The following RNLS variants were observed in gnomAD, a reference collection of about 807,000 sequenced individuals.
The protein encoded by RNLS is renalase.
In RNLS, 39 loss-of-function variants were observed where a neutral mutation model predicts 39.8. The observed-to-expected ratio is 0.98, with a 90% confidence interval of 0.76 to 1.28. The LOEUF is 1.28. RNLS is among the 50% of genes most tolerant of loss of function. The pLI is 0.00. For synonymous variants in RNLS, 147 were observed against 150.7 expected, an observed-to-expected ratio of 0.98 and a Z score of 0.18; for missense variants, 410 against 413.3, an observed-to-expected ratio of 0.99 and a Z score of 0.07.
intron 4 of RNLS, among the ~76,000 whole-genome samples, chr10:88,516,193 G>A (rs1212170680): frequency 1.3e-5 from 2 of 151,940 alleles, no homozygotes; most frequent in Admixed American, 1.3e-4. Flanking sequence ...TGTTATGGCA[G>A]CCCTAGCAAA....
At chr10:88,280,726 G>T (rs1842981204), downstream of RNLS, among the ~76,000 whole-genome samples, 1 of 152,158 alleles carries the variant, frequency 6.6e-6, no homozygotes, top group Admixed American at 6.6e-5. Context: ...ACAAGCAGCT[G>T]GTCAGCAGGC....
the RNLS span, among the ~76,000 whole-genome samples, chr10:88,193,142 T>C: frequency 6.6e-6 from 1 of 152,114 alleles, no homozygotes; most frequent in African/African-American, 2.4e-5. Flanking sequence ...ATCTCTTACC[T>C]GTCACCCACA....
chr10:88,275,797 G>C (rs1403407331), intron 6 of RNLS, among the ~76,000 whole-genome samples: 1 of 152,190 alleles, frequency 6.6e-6, no homozygotes, highest in Non-Finnish European at 1.5e-5. Flanking sequence ...GCTCACATCT[G>C]TAATCCTAGC....
At chr10:88,581,290 G>GTATA (rs879726063) in intron 3 of RNLS, among the ~76,000 whole-genome samples, 110 of 135,470 alleles carry the variant, frequency 8.1e-4, no homozygotes, top group Admixed American at 2.2e-3. Flanking sequence ...ATGTGTGTGT[G>GTATA]TGTGTATATA....
At chr10:88,262,550 CT>C in the RNLS span, among the ~76,000 whole-genome samples, 1 of 152,072 alleles carries the variant, frequency 6.6e-6, no homozygotes, top group East Asian at 1.9e-4. Context: ...TGATTGGCTA[CT>C]AGTTTTCAGG....
the RNLS span, among the ~76,000 whole-genome samples, chr10:88,255,057 T>C: frequency 2.6e-5 from 4 of 152,256 alleles, no homozygotes; most frequent in African/African-American, 7.2e-5. Flanking sequence ...GGCTTATGGA[T>C]GTCCTTGCCT....
At chr10:88,503,809 A>T (rs1010261348) in intron 4 of RNLS, among the ~76,000 whole-genome samples, 2 of 152,144 alleles carry the variant, frequency 1.3e-5, no homozygotes, top group African/African-American at 4.8e-5. Context: ...GTGGTGACTC[A>T]CTTCTAGTTT....
chr10:88,575,511 CA>C (rs951970996), intron 3 of RNLS, among the ~76,000 whole-genome samples: 12 of 151,800 alleles, frequency 7.9e-5, no homozygotes, highest in Non-Finnish European at 1.5e-4. Flanking sequence ...ACACCACTGG[CA>C]AAACCACCCA....
intron 4 of RNLS, among the ~76,000 whole-genome samples, chr10:88,526,484 C>A (rs573116515): frequency 6.6e-6 from 1 of 152,024 alleles, no homozygotes; most frequent in Non-Finnish European, 1.5e-5. Context: ...GGAAGCTGGA[C>A]AGGCACGCTA....
chr10:88,331,568 C>G (rs11202719), intron 5 of RNLS, among the ~76,000 whole-genome samples: 46,950 of 152,052 alleles, frequency 0.31, 7,666 homozygotes, highest in South Asian at 0.41. Flanking sequence ...AAACGGTATA[C>G]TATTGATGTG....
chr10:88,297,141 G>A (rs1844149538), intron 6 of RNLS, among the ~76,000 whole-genome samples: 1 of 152,114 alleles, frequency 6.6e-6, no homozygotes, highest in Non-Finnish European at 1.5e-5. Context: ...TGTCTTCATT[G>A]TTCTTGGGTA....
intron 5 of RNLS, among the ~76,000 whole-genome samples, chr10:88,350,331 A>G (rs1363898993): frequency 1.3e-5 from 2 of 151,902 alleles, no homozygotes; most frequent in Non-Finnish European, 2.9e-5. Flanking sequence ...TGCTGCATCC[A>G]TTAACTCATA....
the RNLS span, among the ~76,000 whole-genome samples, chr10:88,246,345 T>G: frequency 6.6e-6 from 1 of 152,214 alleles, no homozygotes; most frequent in Non-Finnish European, 1.5e-5. Flanking sequence ...CATGAACCTC[T>G]CAGCTCATTA....
At chr10:88,309,242 A>T (rs1589515335) in intron 6 of RNLS, 1 of 178,984 alleles carries the variant, frequency 5.6e-6, no homozygotes, top group African/African-American at 2.4e-5. Context: ...ATTTACCCAT[A>T]CAACAAACCT....
intron 4 of RNLS, among the ~76,000 whole-genome samples, chr10:88,424,280 G>A (rs929134063): frequency 1.3e-5 from 2 of 152,148 alleles, no homozygotes; most frequent in Non-Finnish European, 2.9e-5. Flanking sequence ...TGGAGATAGC[G>A]GCTGAATGTG....
intron 3 of RNLS, 150 bp downstream of exon 3, chr10:88,581,417 A>T: frequency 1.9e-6 from 1 of 516,538 alleles, no homozygotes; most frequent in South Asian, 4.3e-5. Context: ...AAGCTTATCA[A>T]TGATTACTTT....
intron 4 of RNLS, among the ~76,000 whole-genome samples, chr10:88,365,627 T>C (rs1821692750): frequency 6.6e-6 from 1 of 151,832 alleles, no homozygotes. Context: ...AAAATATATT[T>C]TATGACTATG....
intron 4 of RNLS, among the ~76,000 whole-genome samples, chr10:88,461,990 T>C (rs139095322): frequency 3.1e-4 from 47 of 152,204 alleles, no homozygotes; most frequent in African/African-American, 8.4e-4. Flanking sequence ...TTAAAATCTT[T>C]CACAGTTTCA....
At chr10:88,189,501 C>CA in the RNLS span, among the ~76,000 whole-genome samples, 263 of 150,334 alleles carry the variant, frequency 1.7e-3, no homozygotes, top group African/African-American at 5.3e-3. Context: ...TAATAATAAA[C>CA]AAAAAAAAAT....
Sources: gnomAD v4.1 joint callset for allele counts (sites outside exome capture counted in the v4.1 genomes callset) on GRCh38, gnomAD v4.1.1 for gene constraint, MANE v1.5 for transcripts, NCBI Gene and HGNC (gene_info 2026-07-23, HGNC 2026-07-21) for gene names.